PLAG1: variants seen among roughly 807,000 people sequenced by gnomAD.
The protein encoded by PLAG1 is zinc finger protein PLAG1.
Under a neutral mutation model 35.5 loss-of-function variants are expected in PLAG1, and 7 were observed. The ratio of observed to expected loss-of-function variants is 0.20; its 90% confidence interval spans 0.11 to 0.37. PLAG1 has a LOEUF of 0.37. Among genes scored for constraint, PLAG1 ranks in the 10% least tolerant of loss-of-function variants. PLAG1 has a pLI of 1.00. For missense variants in PLAG1, 454 were observed against 602.8 expected, an observed-to-expected ratio of 0.75 and a Z score of 2.58; for synonymous variants, 229 against 225.4, an observed-to-expected ratio of 1.02 and a Z score of -0.14.
At chr8:56,194,482 C>T (rs564864799) in intron 1 of PLAG1, among the ~76,000 whole-genome samples, 4 of 152,282 alleles carry the variant, frequency 2.6e-5, no homozygotes, top group African/African-American at 9.6e-5. Context: ...AATGGTGGCT[C>T]ATGCATGCAG....
At chr8:56,201,047 G>A (rs1032753679) in intron 1 of PLAG1, among the ~76,000 whole-genome samples, 2 of 152,176 alleles carry the variant, frequency 1.3e-5, no homozygotes, top group Non-Finnish European at 2.9e-5. Flanking sequence ...CAAAGGAAGA[G>A]AGAAATCCCC....
chr8:56,190,983 G>A (rs775888498), intron 1 of PLAG1, among the ~76,000 whole-genome samples: 3 of 152,164 alleles, frequency 2.0e-5, no homozygotes, highest in African/African-American at 2.4e-5. Flanking sequence ...GTGGCTTGAC[G>A]TGCTGGAGGA....
At chr8:56,176,485 C>T (rs1367468399) in intron 2 of PLAG1, among the ~76,000 whole-genome samples, 1 of 151,764 alleles carries the variant, frequency 6.6e-6, no homozygotes, top group African/African-American at 2.4e-5. Flanking sequence ...ATGGGTGGTA[C>T]AACACTGAGA....
chr8:56,188,400 A>T (rs952709697), intron 1 of PLAG1, among the ~76,000 whole-genome samples: 1 of 152,238 alleles, frequency 6.6e-6, no homozygotes, highest in Non-Finnish European at 1.5e-5. Flanking sequence ...GCAATGTGTG[A>T]TAGCTGATGC....
At chr8:56,203,645 A>G (rs1812622129) in intron 1 of PLAG1, among the ~76,000 whole-genome samples, 2 of 152,226 alleles carry the variant, frequency 1.3e-5, no homozygotes, top group South Asian at 4.1e-4. Context: ...GTGCCTGATC[A>G]TCACAGAAAC....
chr8:56,210,349 A>C (rs760586312), intron 1 of PLAG1, among the ~76,000 whole-genome samples: 3 of 151,740 alleles, frequency 2.0e-5, no homozygotes, highest in Non-Finnish European at 4.4e-5. Context: ...TGATACTGAC[A>C]ACAAGCTGTC....
chr8:56,164,949 TA>T lies in PLAG1; in HGVS notation c.*1293del, dbSNP rs1403556069. On this transcript the variant is annotated 3_prime_UTR_variant, in exon 5 of 5. Transcript: ENST00000316981. The stretch of plus-strand genomic sequence containing the variant: ...TTTCTAGTCACTTAAAACTTTGTGG[TA>T]GTTCATCAGGTAGTTTTCTAATGCA... 1 of 207,986 alleles carries T rather than the reference TA, an allele frequency of 4.8e-6. No homozygotes were observed. Among genetic ancestry groups the T allele is most frequent in the African/African-American group, 2.3e-5 (1 of 43,992 alleles). The allele number at this position is 207,986 out of a possible 1,614,324, so 12.9% of individuals were successfully genotyped here. A position where few individuals can be genotyped will look rare whatever the true frequency, so the allele number is the denominator to read the frequency against.
chr8:56,204,091 G>C (rs1343408903), intron 1 of PLAG1, among the ~76,000 whole-genome samples: 1 of 151,886 alleles, frequency 6.6e-6, no homozygotes, highest in Non-Finnish European at 1.5e-5. Context: ...GTGTAACACA[G>C]AATAATGGAG....
intron 1 of PLAG1, among the ~76,000 whole-genome samples, chr8:56,198,522 G>A (rs930922566): frequency 6.6e-6 from 1 of 152,220 alleles, no homozygotes; most frequent in African/African-American, 2.4e-5. Flanking sequence ...GAGTTCTACT[G>A]CACTCAGGGC....
At position 56,194,623 on chromosome 8, in the gene PLAG1, CGTGT is replaced by C. The variant is rs369644515; in HGVS notation, c.-321-15114_-321-15111del. On this transcript the variant is annotated intron_variant, in intron 1 of 4. Coordinates refer to ENST00000316981, the MANE Select transcript of PLAG1 (RefSeq NM_002655.3). The stretch of plus-strand genomic sequence containing the variant: ...TGTATGTGTGTTTGTGTGTGTGTGG[CGTGT>C]GTGTGTTTGTGTGTGTGTGGCATGT... Among the ~76,000 whole-genome samples, 102 of 150,516 alleles carry C rather than the reference CGTGT, an allele frequency of 6.8e-4. 1 individual carries two copies. The highest frequency in any genetic ancestry group is 2.0e-3 in the African/African-American group (82 of 41,042).
intron 2 of PLAG1, among the ~76,000 whole-genome samples, chr8:56,176,788 A>T (rs151005697): frequency 1.3e-5 from 2 of 152,090 alleles, no homozygotes; most frequent in African/African-American, 4.8e-5. Context: ...TAAGTTATTG[A>T]TCTTATTACC....
intron 1 of PLAG1, among the ~76,000 whole-genome samples, 176 bp from the exon 2 acceptor site, chr8:56,179,689 C>A (rs77720105): frequency 4.6e-5 from 7 of 152,060 alleles, no homozygotes; most frequent in Non-Finnish European, 7.4e-5. Context: ...ATGAAAAGTA[C>A]ACAAATTAAT....
At position 56,162,153 on chromosome 8, in the gene PLAG1, T is replaced by C. The variant is rs1481579921; in HGVS notation, c.*4090A>G. ...TTATCTGTGTTGTAGACATGGCTGC[T>C]GACACAGTGTGAGAAAAACAAGACA... On this transcript the variant is annotated 3_prime_UTR_variant, in exon 5 of 5. Transcript: ENST00000316981. 1 of 228,076 alleles carries C rather than the reference T, an allele frequency of 4.4e-6. No homozygotes were observed. Among genetic ancestry groups the C allele is most frequent in the Non-Finnish European group, 8.7e-6 (1 of 114,574 alleles). 14.1% of individuals were successfully genotyped at this position (228,076 alleles called of 1,614,324 possible).
chr8:56,205,329 AG>A (rs1186348942), intron 1 of PLAG1, among the ~76,000 whole-genome samples: 1 of 151,938 alleles, frequency 6.6e-6, no homozygotes, highest in African/African-American at 2.4e-5. Flanking sequence ...AATAGCAAAA[AG>A]TAATTTTTCT....
In PLAG1 at chr8:56,164,335, TG is replaced by T. The variant is rs1811292413; in HGVS notation, c.*1907del. The stretch of plus-strand genomic sequence containing the variant: ...GTATGTGTGCATGTGTGTGTGTGTG[TG>T]TATTATATATATATATTGAAGCCCC... On this transcript the variant is annotated 3_prime_UTR_variant, in exon 5 of 5. Transcript: ENST00000316981. The T allele has an allele frequency of 9.1e-6, 2 of 219,986 alleles. No homozygotes were observed. Among genetic ancestry groups the T allele is most frequent in the South Asian group, 1.9e-4 (1 of 5,398 alleles). 13.6% of individuals were successfully genotyped at this position (219,986 alleles called of 1,614,324 possible).
At chr8:56,194,777 T>C (rs79089406) in intron 1 of PLAG1, among the ~76,000 whole-genome samples, 2 of 152,030 alleles carry the variant, frequency 1.3e-5, no homozygotes, top group East Asian at 1.9e-4. Context: ...TGAAGGCCTG[T>C]AGGAGAAAGA....
chr8:56,174,926 T>A (rs1404795416), intron 2 of PLAG1, among the ~76,000 whole-genome samples: 1 of 152,208 alleles, frequency 6.6e-6, no homozygotes. Flanking sequence ...ATAGGTTACA[T>A]GCAAATACTA....
intron 2 of PLAG1, among the ~76,000 whole-genome samples, chr8:56,178,500 C>T (rs985503072): frequency 9.9e-5 from 15 of 152,134 alleles, no homozygotes; most frequent in African/African-American, 3.4e-4. Context: ...AATTTTAATG[C>T]TAACGGTGTT....
At chr8:56,198,968 G>A (rs1246228431) in intron 1 of PLAG1, among the ~76,000 whole-genome samples, 1 of 152,236 alleles carries the variant, frequency 6.6e-6, no homozygotes, top group Non-Finnish European at 1.5e-5. Flanking sequence ...AAGGAAAGGT[G>A]TCTTGCACAT....
Sources: allele counts gnomAD v4.1 joint callset (sites outside exome capture counted in the v4.1 genomes callset), GRCh38; gene constraint gnomAD v4.1.1; transcripts MANE v1.5; gene names NCBI Gene and HGNC (gene_info 2026-07-23, HGNC 2026-07-21).